PRELID2: variants seen among roughly 807,000 people sequenced by gnomAD.
PRELID2 encodes the protein PRELI domain containing 2.
PRELID2 carries 25 observed loss-of-function variants against 28.4 expected under a neutral mutation model. The ratio of observed to expected loss-of-function variants is 0.88; its 90% CI spans 0.64 to 1.23. The LOEUF (loss-of-function observed/expected upper bound fraction) is 1.23. Among genes scored for constraint, PRELID2 ranks in the 50% most tolerant of loss-of-function variants. The probability of loss-of-function intolerance (pLI) is 0.00; values close to 1 mark genes in which losing one functional copy is unlikely to be tolerated. For missense variants in PRELID2, 201 were observed against 214.4 expected (o/e 0.94, Z 0.39); for synonymous variants, 76 against 71.6 (o/e 1.06, Z -0.31).
the PRELID2 span, among the ~76,000 whole-genome samples, chr5:145,411,458 C>A: frequency 6.6e-6 from 1 of 152,176 alleles, no homozygotes; most frequent in Non-Finnish European, 1.5e-5. Flanking sequence ...TAATAATTTT[C>A]TTTGACTCTA....
intron 1 of PRELID2, among the ~76,000 whole-genome samples, chr5:145,561,310 T>G (rs543990794): frequency 7.9e-5 from 12 of 152,204 alleles, no homozygotes; most frequent in Non-Finnish European, 1.6e-4. Flanking sequence ...ACTTTTTTCT[T>G]CCTTTTTTTT....
At chr5:145,516,246 C>G (rs185743539) in intron 1 of PRELID2, among the ~76,000 whole-genome samples, 2 of 152,274 alleles carry the variant, frequency 1.3e-5, no homozygotes, top group African/African-American at 4.8e-5. Flanking sequence ...AAAACCCCAT[C>G]GTCTGAGCCC....
chr5:145,802,955 C>T (rs548141589), intron 4 of PRELID2, among the ~76,000 whole-genome samples: 1 of 152,274 alleles, frequency 6.6e-6, no homozygotes, highest in East Asian at 1.9e-4. Flanking sequence ...AAAGCAAAAG[C>T]TCTTAATGAG....
the PRELID2 span, among the ~76,000 whole-genome samples, chr5:145,370,433 C>T: frequency 6.6e-6 from 1 of 151,492 alleles, no homozygotes. Context: ...AGATGGTTGT[C>T]GAGTGTGGTA....
the PRELID2 span, among the ~76,000 whole-genome samples, chr5:145,377,072 A>G: frequency 6.6e-6 from 1 of 152,238 alleles, no homozygotes; most frequent in African/African-American, 2.4e-5. Flanking sequence ...TGTCCCAGAG[A>G]TTCTGGTCTG....
chr5:145,614,112 G>A (rs576972149), intron 1 of PRELID2, among the ~76,000 whole-genome samples: 8 of 152,162 alleles, frequency 5.3e-5, no homozygotes, highest in African/African-American at 1.7e-4. Flanking sequence ...TTGCTTTGTC[G>A]AAGATCAGTT....
chr5:145,331,485 T>A, the PRELID2 span, among the ~76,000 whole-genome samples: 8 of 152,218 alleles, frequency 5.3e-5, no homozygotes, highest in African/African-American at 1.7e-4. Flanking sequence ...TTAGTATAGT[T>A]AGCTCTTCTT....
At chr5:145,330,875 A>AT in the PRELID2 span, among the ~76,000 whole-genome samples, 1 of 151,972 alleles carries the variant, frequency 6.6e-6, no homozygotes, top group Non-Finnish European at 1.5e-5. Context: ...TAGGATGTTG[A>AT]TTTTAGATCT....
the PRELID2 span, among the ~76,000 whole-genome samples, chr5:145,438,389 C>T: frequency 1.3e-5 from 2 of 152,118 alleles, no homozygotes; most frequent in Non-Finnish European, 2.9e-5. Context: ...ATGACAAATC[C>T]TCTCTTTTGT....
At chr5:145,729,235 T>A in intron 1 of PRELID2, 1 of 934,748 alleles carries the variant, frequency 1.1e-6, no homozygotes, top group Non-Finnish European at 1.7e-6. Flanking sequence ...AATCTTACAA[T>A]GAATGATGCT....
chr5:145,390,866 C>T, the PRELID2 span, among the ~76,000 whole-genome samples: 89 of 152,232 alleles, frequency 5.8e-4, 1 homozygote, highest in East Asian at 0.016. Context: ...TCACCCATTC[C>T]AAATGAGAGA....
chr5:145,773,940 C>A (rs1242590709), intron 5 of PRELID2, among the ~76,000 whole-genome samples: 4 of 152,204 alleles, frequency 2.6e-5, no homozygotes, highest in Non-Finnish European at 5.9e-5. Flanking sequence ...TCTTGTATCT[C>A]TACCCTTCTC....
intron 1 of PRELID2, among the ~76,000 whole-genome samples, chr5:145,494,807 TA>T (rs1752296627): frequency 6.6e-6 from 1 of 152,156 alleles, no homozygotes; most frequent in Admixed American, 6.5e-5. Context: ...TCTCATTGAA[TA>T]GATAAGAGAA....
chr5:145,544,732 C>T (rs1193708388), intron 1 of PRELID2, among the ~76,000 whole-genome samples: 1 of 152,078 alleles, frequency 6.6e-6, no homozygotes, highest in Non-Finnish European at 1.5e-5. Context: ...CTATAATGAG[C>T]TCTTATTATG....
At chr5:145,469,670 G>A (rs1752034123), downstream of PRELID2, among the ~76,000 whole-genome samples, 1 of 152,072 alleles carries the variant, frequency 6.6e-6, no homozygotes, top group Non-Finnish European at 1.5e-5. Flanking sequence ...TGATGGGTAG[G>A]AATCTTGATA....
intron 1 of PRELID2, among the ~76,000 whole-genome samples, chr5:145,740,656 A>T (rs1318287077): frequency 1.0e-5 from 1 of 100,488 alleles, no homozygotes; most frequent in East Asian, 2.8e-4. Context: ...TATTTTATAT[A>T]TAAATAAAAT....
chr5:145,606,194 A>G (rs962551738), intron 1 of PRELID2, among the ~76,000 whole-genome samples: 13 of 152,150 alleles, frequency 8.5e-5, no homozygotes, highest in African/African-American at 3.1e-4. Context: ...GTCTAGGTAT[A>G]GAATCACATC....
At chr5:145,496,235 T>A (rs541281659) in intron 1 of PRELID2, among the ~76,000 whole-genome samples, 129 of 152,256 alleles carry the variant, frequency 8.5e-4, no homozygotes, top group Admixed American at 1.2e-3. Context: ...TCTGGCTCTA[T>A]TTTAGACTTG....
chr5:145,672,398 C>T lies in PRELID2; in HGVS notation n.70+92533G>A, dbSNP rs552049590. 7.1e-4 allele frequency among the ~76,000 whole-genome samples: 107 copies of T among 151,578 alleles called. 1 individual carries two copies. Among genetic ancestry groups the T allele is most frequent in the African/African-American group, 2.0e-3 (83 of 41,240 alleles). ...AATCAACAGTCCCCATTACCAGTGC[C>T]GGCATTCGCAAAAAGGATCCCAACA... On this transcript the variant is annotated intron_variant and non_coding_transcript_variant, in intron 1 of 2. Coordinates refer to the PRELID2 transcript ENST00000510259.
Sources: gnomAD v4.1 joint callset for allele counts (sites outside exome capture counted in the v4.1 genomes callset) on GRCh38, gnomAD v4.1.1 for gene constraint, MANE v1.5 for transcripts, NCBI Gene and HGNC (gene_info 2026-07-23, HGNC 2026-07-21) for gene names.